Variants in SLIT2 observed in about 807,000 individuals in gnomAD.
The protein encoded by SLIT2 is slit homolog 2 protein.
SLIT2 carries 41 observed loss-of-function variants against 185.7 expected under a neutral mutation model. The observed-to-expected ratio is 0.22, with a 90% CI of 0.17 to 0.29. The LOEUF (loss-of-function observed/expected upper bound fraction) is 0.29, where lower values mean the gene tolerates loss of function less well. Ranked by LOEUF, SLIT2 falls within the 10% of genes least tolerant of loss-of-function variation. SLIT2 has a pLI of 1.00. For synonymous variants in SLIT2, 693 were observed against 680.2 expected (o/e 1.02, Z -0.29); for missense variants, 1,571 against 1,909.0 (o/e 0.82, Z 3.30).
At chr4:20,566,034 C>T (rs566398226) in intron 26 of SLIT2, among the ~76,000 whole-genome samples, 1 of 152,082 alleles carries the variant, frequency 6.6e-6, no homozygotes, top group East Asian at 1.9e-4. Flanking sequence ...AGTAGATCAA[C>T]AACGCAAGCG....
intron 29 of SLIT2, among the ~76,000 whole-genome samples, chr4:20,579,327 A>G (rs981511653): frequency 1.8e-4 from 28 of 151,998 alleles, no homozygotes; most frequent in African/African-American, 6.0e-4. Flanking sequence ...AGCCCAGCCA[A>G]CAATTCTTCA....
chr4:20,536,929 A>T (rs1722352973), intron 18 of SLIT2, among the ~76,000 whole-genome samples: 2 of 152,268 alleles, frequency 1.3e-5, no homozygotes, highest in Admixed American at 1.3e-4. Context: ...GCCCAGTGTC[A>T]GGATAATCAA....
At chr4:20,561,901 A>T (rs1050605273) in intron 26 of SLIT2, among the ~76,000 whole-genome samples, 1 of 151,824 alleles carries the variant, frequency 6.6e-6, no homozygotes, top group African/African-American at 2.4e-5. Flanking sequence ...CTAGCAATTA[A>T]TGCTCTGTTC....
intron 4 of SLIT2, among the ~76,000 whole-genome samples, chr4:20,315,792 A>AT (rs1718523913): frequency 6.6e-6 from 1 of 152,090 alleles, no homozygotes; most frequent in Non-Finnish European, 1.5e-5. Flanking sequence ...TCAGTCACTC[A>AT]TTAATTGAAA....
At chr4:20,342,142 G>C (rs1055558401) in intron 4 of SLIT2, among the ~76,000 whole-genome samples, 1 of 152,098 alleles carries the variant, frequency 6.6e-6, no homozygotes, top group Non-Finnish European at 1.5e-5. Context: ...ATTATTACTA[G>C]TTAATTAATC....
intron 26 of SLIT2, among the ~76,000 whole-genome samples, chr4:20,559,166 G>T (rs1171049363): frequency 2.0e-5 from 3 of 151,982 alleles, no homozygotes; most frequent in Non-Finnish European, 2.9e-5. Context: ...GCTAAAACTT[G>T]TTAATTGTCA....
intron 34 of SLIT2, chr4:20,615,240 G>A (rs905053676): frequency 2.6e-5 from 4 of 152,152 alleles, no homozygotes; most frequent in African/African-American, 9.7e-5. Context: ...TCCTGGAAAT[G>A]GTAAGTTTCA....
At chr4:20,398,480 A>G (rs1726094546) in intron 4 of SLIT2, among the ~76,000 whole-genome samples, 1 of 151,822 alleles carries the variant, frequency 6.6e-6, no homozygotes, top group South Asian at 2.1e-4. Context: ...GTGTTTGCAA[A>G]TAGCACTGAA....
rs1729984240 is a variant in SLIT2 at position 20,620,279 on chromosome 4, C to T, written c.*1270C>T. The T allele has an allele frequency of 2.8e-6, 1 of 352,740 alleles. No individual in the cohort carries two copies. Among genetic ancestry groups the T allele is most frequent in the Non-Finnish European group, 5.5e-6 (1 of 182,562 alleles). 21.9% of individuals were successfully genotyped at this position (352,740 alleles called of 1,614,324 possible). On this transcript the variant is annotated 3_prime_UTR_variant, in exon 37 of 37. Coordinates refer to ENST00000504154, the MANE Select transcript of SLIT2 (RefSeq NM_004787.4). The stretch of plus-strand genomic sequence containing the variant: ...ATATCAAGAACTGTGACTTTTCTTT[C>T]CCTCAAACAATAAAACTCCTTTATT...
At chr4:20,550,084 A>G (rs1723601902) in intron 24 of SLIT2, among the ~76,000 whole-genome samples, 1 of 152,112 alleles carries the variant, frequency 6.6e-6, no homozygotes. Context: ...TTTTTCCACC[A>G]ACTATTTAAG....
intron 4 of SLIT2, among the ~76,000 whole-genome samples, chr4:20,319,415 T>C (rs1718857751): frequency 6.6e-6 from 1 of 152,178 alleles, no homozygotes; most frequent in Admixed American, 6.5e-5. Context: ...TTCAGGTCTC[T>C]TCCTTTAACA....
rs59509608 is a variant in SLIT2 at position 20,326,746 on chromosome 4, C to CTTT, written c.395+57886_395+57888dup. On this transcript the variant is annotated intron_variant, in intron 4 of 36. Coordinates refer to ENST00000504154, the MANE Select transcript of SLIT2 (RefSeq NM_004787.4). ...TGACATGTTGAAAGCATTCTGAAAC[C>CTTT]TTTTTTTTTTTTTTTTTTTTTTTAA... 9.0e-3 allele frequency among the ~76,000 whole-genome samples: 495 copies of CTTT among 54,716 alleles called. 28 individuals carry two copies. The highest frequency in any genetic ancestry group is 0.035 in the African/African-American group (421 of 11,880). 35.9% of individuals were successfully genotyped at this position (54,716 alleles called of 152,430 possible). A position where few individuals can be genotyped will look rare whatever the true frequency, so the allele number is the denominator to read the frequency against.
intron 28 of SLIT2, 119 bp from the exon 29 acceptor site, chr4:20,568,746 T>C (rs1336575424): frequency 3.6e-6 from 3 of 841,752 alleles, no homozygotes; most frequent in East Asian, 2.5e-5. Flanking sequence ...AAAATCAATT[T>C]CTGGTAGTTA....
chr4:20,271,519 T>G (rs1001382008), intron 4 of SLIT2, among the ~76,000 whole-genome samples: 9 of 147,386 alleles, frequency 6.1e-5, no homozygotes, highest in Non-Finnish European at 1.2e-4. Context: ...CAAGCCATAG[T>G]TGCCCCTACT....
At position 20,596,509 on chromosome 4, in the gene SLIT2, A is replaced by G; in HGVS notation, c.3415A>G (p.Arg1139Gly). The change falls in exon 32 of 37, where the codon AGA becomes GGA. Residue 1139 changes from arginine (R) to glycine (G), a missense_variant. Transcript: ENST00000504154. ...DCQNGAQCIV[R>G]INEPICQCLP... ...TCAGAATGGAGCTCAGTGTATCGTC[A>G]GAATAAATGAGCCAATATGTCAGTG... is the stretch of plus-strand genomic sequence containing the variant. The G allele has an allele frequency of 2.5e-6, 4 of 1,614,132 alleles. No individual in the cohort carries two copies. The highest frequency in any genetic ancestry group is 3.4e-6 in the Non-Finnish European group (4 of 1,179,986).
At position 20,567,242 on chromosome 4, in the gene SLIT2, AT is replaced by A; in HGVS notation, c.2726-15del. ...AACTGGAAGAGCGTCAGTTGCTTAT[AT>A]TTTTGAATTAATTTTCAGGTCCTGT... is the stretch of plus-strand genomic sequence containing the variant. On this transcript the variant is annotated intron_variant, in intron 26 of 36. Transcript: ENST00000504154. The A allele has an allele frequency of 6.3e-7, 1 of 1,594,238 alleles. No homozygotes were observed. The highest frequency in any genetic ancestry group is 1.4e-5 in the African/African-American group (1 of 73,696).
chr4:20,382,602 AAT>A (rs1388118472), intron 4 of SLIT2, among the ~76,000 whole-genome samples: 2 of 152,148 alleles, frequency 1.3e-5, no homozygotes, highest in East Asian at 3.9e-4. Flanking sequence ...AATGTAATAG[AAT>A]ATATATTCAG....
intron 4 of SLIT2, among the ~76,000 whole-genome samples, chr4:20,369,021 G>C (rs2109312267): frequency 6.6e-6 from 1 of 152,136 alleles, no homozygotes; most frequent in Non-Finnish European, 1.5e-5. Flanking sequence ...GGTTTTTATT[G>C]CTTTATTTCA....
chr4:20,273,099 T>C (rs920551324), intron 4 of SLIT2, among the ~76,000 whole-genome samples: 7 of 152,110 alleles, frequency 4.6e-5, no homozygotes, highest in African/African-American at 1.7e-4. Context: ...CTTAATTTTT[T>C]TTATTAAGGT....
Sources: allele counts gnomAD v4.1 joint callset (sites outside exome capture counted in the v4.1 genomes callset), GRCh38; gene constraint gnomAD v4.1.1; transcripts MANE v1.5; gene names NCBI Gene and HGNC (gene_info 2026-07-23, HGNC 2026-07-21).